The following SV2B variants were observed in gnomAD, a reference collection of about 807,000 sequenced individuals.
SV2B encodes the protein synaptic vesicle glycoprotein 2B.
SV2B carries 41 observed loss-of-function variants against 73.9 expected under a neutral mutation model. That is an observed-to-expected ratio of 0.56 (90% confidence interval 0.43 to 0.72). The LOEUF is 0.72. Among genes scored for constraint, SV2B ranks in the 30% least tolerant of loss-of-function variants. The pLI is 0.00. For missense variants in SV2B, 764 were observed against 857.8 expected (o/e 0.89, Z 1.37); for synonymous variants, 314 against 314.2 (o/e 1.00, Z 0.01).
rs61037983 is a variant in SV2B at position 91,216,723 on chromosome 15, G to T, written c.-391-9150G>T. Reference sequence around the variant, plus strand: ...CAACCTCAGGTGATCTGCCCGCCTCGGCCTCCCAAAGTGCTAGCCACTGTA... The same window carrying T: ...CAACCTCAGGTGATCTGCCCGCCTCTGCCTCCCAAAGTGCTAGCCACTGTA... On this transcript the variant is annotated intron_variant, in intron 1 of 12. Coordinates refer to ENST00000394232, the MANE Select transcript of SV2B (RefSeq NM_001323032.3). Among the ~76,000 whole-genome samples the T allele has an allele frequency of 7.6e-3, 1,143 of 150,178 alleles. 13 individuals are homozygous for T. The highest frequency in any genetic ancestry group is 0.027 in the African/African-American group (1,098 of 40,820).
chr15:91,157,779 A>G (rs2141237859), intron 1 of SV2B, among the ~76,000 whole-genome samples: 1 of 152,312 alleles, frequency 6.6e-6, no homozygotes, highest in East Asian at 1.9e-4. Flanking sequence ...CTCTGCCTAT[A>G]GGACAAAGAA....
intron 1 of SV2B, among the ~76,000 whole-genome samples, chr15:91,196,480 GC>G (rs1229544821): frequency 6.6e-6 from 1 of 152,228 alleles, no homozygotes; most frequent in Non-Finnish European, 1.5e-5. Context: ...CCTTGGATAT[GC>G]AGGGCCCAGC....
At chr15:91,147,965 C>CTTTTTTTTTTTTTTT (rs60896008) in intron 1 of SV2B, among the ~76,000 whole-genome samples, 2 of 39,298 alleles carry the variant, frequency 5.1e-5, no homozygotes, top group Non-Finnish European at 8.8e-5. Context: ...CCCCCCCCAA[C>CTTTTTTTTTTTTTTT]TTTTTTTTTT....
chr15:91,134,277 C>T (rs1344733388), intron 1 of SV2B, among the ~76,000 whole-genome samples: 3 of 152,164 alleles, frequency 2.0e-5, no homozygotes, highest in African/African-American at 4.8e-5. Context: ...GGATTACAGG[C>T]GTGAGCCACA....
chr15:91,250,640 TA>T, intron 2 of SV2B, among the ~76,000 whole-genome samples: 1 of 152,190 alleles, frequency 6.6e-6, no homozygotes, highest in East Asian at 1.9e-4. Context: ...GAAACCAACA[TA>T]AAAATAGTAA....
Position 91,220,276 on chromosome 15 carries a change from G to C in SV2B, c.-391-5597G>C, listed in dbSNP as rs941091822. Among the ~76,000 whole-genome samples, 2 of 152,228 alleles carry C rather than the reference G, an allele frequency of 1.3e-5. No homozygotes were observed. Among genetic ancestry groups the C allele is most frequent in the African/African-American group, 4.8e-5 (2 of 41,462 alleles). ...TTCTAGCCAACACTTGCTATTGTCT[G>C]TCTGTTGATTAGAGCTATTCTAATG... is the stretch of plus-strand genomic sequence containing the variant. On this transcript the variant is annotated intron_variant, in intron 1 of 12. Coordinates refer to ENST00000394232, the MANE Select transcript of SV2B (RefSeq NM_001323032.3). This position sits in a 1 kb window ranked among gnomAD's most constrained non-coding sequence, Gnocchi z 4.1.
intron 9 of SV2B, among the ~76,000 whole-genome samples, chr15:91,269,180 T>A (rs1295961172): frequency 6.6e-6 from 1 of 152,082 alleles, no homozygotes; most frequent in Admixed American, 6.5e-5. Flanking sequence ...CTCAATCCAT[T>A]TTACTCCTCC....
rs571031832 is a variant in SV2B at position 91,124,938 on chromosome 15, G to A, written c.-392+24575G>A. Among the ~76,000 whole-genome samples, 10 of 152,318 alleles carry A rather than the reference G, an allele frequency of 6.6e-5. No individual in the cohort carries two copies. The highest frequency in any genetic ancestry group is 2.4e-4 in the African/African-American group (10 of 41,558). Reference sequence around the variant, plus strand: ...CAAAGTGCTGATATTACAGGTGTGAGCCACTGCGCCCAGCCCAGAAATTTA... The same window carrying A: ...CAAAGTGCTGATATTACAGGTGTGAACCACTGCGCCCAGCCCAGAAATTTA... On this transcript the variant is annotated intron_variant, in intron 1 of 12. Coordinates refer to ENST00000394232, the MANE Select transcript of SV2B (RefSeq NM_001323032.3). This position sits in a 1 kb window ranked among gnomAD's most constrained non-coding sequence, Gnocchi z 4.6.
chr15:91,176,092 A>T (rs1008488713), intron 1 of SV2B, among the ~76,000 whole-genome samples: 1 of 128,062 alleles, frequency 7.8e-6, no homozygotes, highest in African/African-American at 3.0e-5. Context: ...TCCTGTGTCC[A>T]TGTGTTCTCA....
chr15:91,276,808 A>G (rs200443272), intron 9 of SV2B, among the ~76,000 whole-genome samples: 77 of 114,786 alleles, frequency 6.7e-4, no homozygotes, highest in East Asian at 2.8e-3. Flanking sequence ...TGTTGTTGTT[A>G]TTATTATTAT....
chr15:91,216,091 A>G (rs1326582341), intron 1 of SV2B, among the ~76,000 whole-genome samples: 1 of 152,208 alleles, frequency 6.6e-6, no homozygotes, highest in Non-Finnish European at 1.5e-5. Flanking sequence ...TATTTTTAAT[A>G]TAATACTCAT....
rs1354568434 is a variant in SV2B, at chr15:91,115,367, C to T, written c.-392+15004C>T. 6.6e-6 allele frequency among the ~76,000 whole-genome samples: 1 copy of T among 151,972 alleles called. No homozygotes were observed. The highest frequency in any genetic ancestry group is 1.5e-5 in the Non-Finnish European group (1 of 67,984). On this transcript the variant is annotated intron_variant, in intron 1 of 12. Transcript: ENST00000394232. This position sits in a 1 kb window ranked among gnomAD's most constrained non-coding sequence, Gnocchi z 4.3. ...CGACTTTGAAAGTGGGCTATTTCTC[C>T]ATCTCCCCTTCCTTTTTTTTTTGAA...
intron 1 of SV2B, among the ~76,000 whole-genome samples, chr15:91,157,664 C>T (rs1038179329): frequency 1.3e-5 from 2 of 152,182 alleles, no homozygotes; most frequent in African/African-American, 2.4e-5. Context: ...GAGGGGAGAA[C>T]TGAGGCATAG....
rs1190698291 is a variant in SV2B, at chr15:91,236,450, T to C, written c.451+9736T>C. ...CCACAGAAAGCACAACAGAAATGAATGGGAGGAATTCTTAAGTAAACTGGC... is the reference window on the plus strand; with the variant it reads ...CCACAGAAAGCACAACAGAAATGAACGGGAGGAATTCTTAAGTAAACTGGC... On this transcript the variant is annotated intron_variant, in intron 2 of 12. Coordinates refer to ENST00000394232, the MANE Select transcript of SV2B (RefSeq NM_001323032.3). The surrounding 1 kb of genome is among the most constrained non-coding windows in gnomAD (Gnocchi z 4.1). Among the ~76,000 whole-genome samples, 2 of 151,988 alleles carry C rather than the reference T, an allele frequency of 1.3e-5. No homozygotes were observed. Among genetic ancestry groups the C allele is most frequent in the African/African-American group, 4.8e-5 (2 of 41,410 alleles).
intron 1 of SV2B, among the ~76,000 whole-genome samples, chr15:91,170,871 G>C (rs2141279314): frequency 6.6e-6 from 1 of 151,754 alleles, no homozygotes; most frequent in South Asian, 2.1e-4. Flanking sequence ...TTAGGTGGCT[G>C]ACTGTGAAGT....
At chr15:91,233,246 C>T (rs1285088573) in intron 2 of SV2B, among the ~76,000 whole-genome samples, 1 of 152,162 alleles carries the variant, frequency 6.6e-6, no homozygotes, top group Non-Finnish European at 1.5e-5. Context: ...TAATCAAATA[C>T]TTATAATAGG....
intron 1 of SV2B, among the ~76,000 whole-genome samples, chr15:91,149,190 C>T (rs1362696129): frequency 6.6e-6 from 1 of 152,218 alleles, no homozygotes; most frequent in African/African-American, 2.4e-5. Context: ...CTCTGTCCTG[C>T]TCACGACCTG....
intron 1 of SV2B, among the ~76,000 whole-genome samples, chr15:91,114,165 C>G (rs1416862844): frequency 1.8e-5 from 2 of 111,478 alleles, no homozygotes; most frequent in East Asian, 5.4e-4. Flanking sequence ...GCCTGGGCGA[C>G]AGAGCAAGAC....
chr15:91,135,772 G>C lies in SV2B; in HGVS notation c.-392+35409G>C, dbSNP rs544612191. On this transcript the variant is annotated intron_variant, in intron 1 of 12. Coordinates refer to ENST00000394232, the MANE Select transcript of SV2B (RefSeq NM_001323032.3). ...TCACATCTCTGCTTTGTGAAGTTTG[G>C]GGTATGTGCCTAGTGTTAGAGACAA... Among the ~76,000 whole-genome samples the C allele has an allele frequency of 3.0e-4, 45 of 152,258 alleles. 1 individual carries two copies. In the South Asian group the frequency reaches 9.1e-3, roughly 31 times the overall value.
Sources: allele counts gnomAD v4.1 joint callset (sites outside exome capture counted in the v4.1 genomes callset), GRCh38; gene constraint gnomAD v4.1.1; non-coding constraint Gnocchi (gnomAD v3.1); transcripts MANE v1.5; gene names NCBI Gene and HGNC (gene_info 2026-07-23, HGNC 2026-07-21).